ADAMTS17: variants seen among roughly 807,000 people sequenced by gnomAD.
The protein encoded by ADAMTS17 is ADAM metallopeptidase with thrombospondin type 1 motif 17, also known as A disintegrin and metalloproteinase with thrombospondin motifs 17.
A neutral mutation model predicts 141.5 loss-of-function variants in ADAMTS17; 113 were observed. The observed-to-expected ratio is 0.80, with a 90% confidence interval of 0.69 to 0.93. ADAMTS17 has a LOEUF of 0.93. Among genes scored for constraint, ADAMTS17 ranks in the 40% least tolerant of loss-of-function variants. The pLI is 0.00. For missense variants in ADAMTS17, 1,659 were observed against 1,517.9 expected (o/e 1.09, Z -1.54); for synonymous variants, 768 against 630.6 (o/e 1.22, Z -3.27).
intron 3 of ADAMTS17, among the ~76,000 whole-genome samples, chr15:100,330,089 G>A (rs1031290215): frequency 2.0e-5 from 3 of 152,174 alleles, no homozygotes; most frequent in African/African-American, 7.2e-5. Flanking sequence ...GGGGACATTT[G>A]TAGCCCCATG....
chr15:100,136,663 G>A (rs1372715225), intron 10 of ADAMTS17, among the ~76,000 whole-genome samples: 1 of 152,238 alleles, frequency 6.6e-6, no homozygotes, highest in Non-Finnish European at 1.5e-5. Flanking sequence ...CACAGAGTCT[G>A]AGCTGGGTTA....
At chr15:100,113,773 CAG>C (rs1167699153) in intron 13 of ADAMTS17, among the ~76,000 whole-genome samples, 2 of 152,244 alleles carry the variant, frequency 1.3e-5, no homozygotes, top group Admixed American at 6.5e-5. Context: ...GAGCTGTCGT[CAG>C]AGAGTCCTAA....
At chr15:100,236,290 A>AAAC (rs1160940654) in intron 7 of ADAMTS17, among the ~76,000 whole-genome samples, 1 of 151,226 alleles carries the variant, frequency 6.6e-6, no homozygotes, top group Non-Finnish European at 1.5e-5. Flanking sequence ...CATTAAAAAA[A>AAAC]AAAAAAAAAA....
intron 18 of ADAMTS17, among the ~76,000 whole-genome samples, chr15:100,026,196 G>A (rs1048032700): frequency 6.6e-6 from 1 of 152,190 alleles, no homozygotes; most frequent in Non-Finnish European, 1.5e-5. Flanking sequence ...TTCTTTATTT[G>A]TGAGACTGAT....
At chr15:100,065,695 T>C (rs2033467242) in intron 15 of ADAMTS17, among the ~76,000 whole-genome samples, 1 of 152,138 alleles carries the variant, frequency 6.6e-6, no homozygotes, top group Admixed American at 6.5e-5. Context: ...ATCTATCAGG[T>C]TAGGGACATT....
At chr15:100,313,830 C>T (rs1212945008) in intron 3 of ADAMTS17, among the ~76,000 whole-genome samples, 27 of 133,378 alleles carry the variant, frequency 2.0e-4, no homozygotes, top group African/African-American at 7.6e-4. Flanking sequence ...TCAGACAAAA[C>T]CATCCCAAAC....
At chr15:100,269,678 A>AT (rs1482989557) in intron 4 of ADAMTS17, among the ~76,000 whole-genome samples, 1 of 152,136 alleles carries the variant, frequency 6.6e-6, no homozygotes, top group East Asian at 1.9e-4. Context: ...CAGTCAGGAG[A>AT]TGTTCTTGGG....
chr15:100,170,059 A>G (rs2040102968), intron 8 of ADAMTS17, among the ~76,000 whole-genome samples: 1 of 151,758 alleles, frequency 6.6e-6, no homozygotes, highest in South Asian at 2.1e-4. Context: ...CATACACCCG[A>G]GGCTAGAAGA....
Position 99,989,872 on chromosome 15 carries a change from T to C in ADAMTS17, c.2949+3176A>G, listed in dbSNP as rs191972020. Among the ~76,000 whole-genome samples, 3 of 152,306 alleles carry C rather than the reference T, an allele frequency of 2.0e-5. 1 individual carries two copies. The highest frequency in any genetic ancestry group is 2.0e-4 in the Admixed American group (3 of 15,306). ...GAAATGGGTTTAGTTGTCCAAGTAC[T>C]TAGACATATATATTAGCATCTTGAA... On this transcript the variant is annotated intron_variant, in intron 20 of 21. Coordinates refer to ENST00000268070, the MANE Select transcript of ADAMTS17 (RefSeq NM_139057.4).
chr15:100,331,119 C>T (rs1487261800), intron 2 of ADAMTS17, 65 bp from the exon 3 acceptor site: 28 of 1,599,742 alleles, frequency 1.8e-5, no homozygotes, highest in Middle Eastern at 3.3e-4. Flanking sequence ...CATGGCCCCC[C>T]GGAGGGGCAG....
At chr15:99,979,631 C>T (rs2060442426) in intron 20 of ADAMTS17, 1 of 152,162 alleles carries the variant, frequency 6.6e-6, no homozygotes, top group African/African-American at 2.4e-5. Flanking sequence ...CAGATACAAC[C>T]ACGTGCCCTC....
In ADAMTS17 at chr15:100,050,302, T is replaced by C. The variant is rs916654256; in HGVS notation, c.2455+1270A>G. Among the ~76,000 whole-genome samples the C allele has an allele frequency of 3.9e-5, 6 of 152,218 alleles. No individual in the cohort carries two copies. The South Asian group carries it at 8.3e-4, about 21-fold the overall frequency. On this transcript the variant is annotated intron_variant, in intron 17 of 21. Coordinates refer to ENST00000268070, the MANE Select transcript of ADAMTS17 (RefSeq NM_139057.4). ...GAGCCTGACTATTCCATGTGGGCTA[T>C]GCTTAGTTTGTAACAAGCTGCCCAA... is the stretch of plus-strand genomic sequence containing the variant.
intron 15 of ADAMTS17, among the ~76,000 whole-genome samples, chr15:100,077,406 G>T (rs184564865): frequency 6.7e-6 from 1 of 148,584 alleles, no homozygotes; most frequent in African/African-American, 2.5e-5. Context: ...GGGTTGCAGT[G>T]ATCCGAGATT....
intron 18 of ADAMTS17, among the ~76,000 whole-genome samples, chr15:100,027,892 AG>A (rs946363139): frequency 1.9e-4 from 29 of 152,242 alleles, no homozygotes; most frequent in African/African-American, 6.0e-4. Context: ...TGGGCTGGGG[AG>A]TAGAATGAGT....
intron 4 of ADAMTS17, among the ~76,000 whole-genome samples, chr15:100,264,829 G>A (rs1329988550): frequency 6.6e-6 from 1 of 152,094 alleles, no homozygotes; most frequent in Non-Finnish European, 1.5e-5. Flanking sequence ...GCAAAAATGG[G>A]AAGGTGTTTA....
At chr15:100,163,636 C>T (rs926074510) in intron 8 of ADAMTS17, among the ~76,000 whole-genome samples, 3 of 152,156 alleles carry the variant, frequency 2.0e-5, no homozygotes, top group Non-Finnish European at 4.4e-5. Context: ...CAGGTGCACG[C>T]CACCACGCTT....
intron 12 of ADAMTS17, among the ~76,000 whole-genome samples, chr15:100,123,970 C>A (rs1439012697): frequency 6.8e-6 from 1 of 146,208 alleles, no homozygotes; most frequent in Non-Finnish European, 1.5e-5. Flanking sequence ...TGTTCTAGGA[C>A]TTTTTTTTTT....
chr15:100,322,633 T>G lies in ADAMTS17; in HGVS notation c.616+8256A>C, dbSNP rs187706074. Among the ~76,000 whole-genome samples the G allele has an allele frequency of 3.2e-3, 486 of 152,316 alleles. 1 individual carries two copies. Among genetic ancestry groups the G allele is most frequent in the Non-Finnish European group, 5.4e-3 (365 of 68,038 alleles). Reference sequence around the variant, plus strand: ...CCCGAAGATGACCCAGATGTTAGAATAGCAGACAAGAATTTTGAAGCAATT... The same window carrying G: ...CCCGAAGATGACCCAGATGTTAGAAGAGCAGACAAGAATTTTGAAGCAATT... On this transcript the variant is annotated intron_variant, in intron 3 of 21. Transcript: ENST00000268070.
intron 8 of ADAMTS17, among the ~76,000 whole-genome samples, chr15:100,163,675 G>A (rs951268706): frequency 5.9e-5 from 9 of 152,152 alleles, no homozygotes; most frequent in African/African-American, 2.2e-4. Flanking sequence ...TCTATCTGAT[G>A]CTCTAAGAAA....
Sources: allele counts gnomAD v4.1 joint callset (sites outside exome capture counted in the v4.1 genomes callset), GRCh38; gene constraint gnomAD v4.1.1; transcripts MANE v1.5; gene names NCBI Gene and HGNC (gene_info 2026-07-23, HGNC 2026-07-21).